Variants in KDM4C observed in about 807,000 individuals in gnomAD.
The protein encoded by KDM4C is lysine-specific demethylase 4C.
Under a neutral mutation model 129.3 loss-of-function variants are expected in KDM4C, and 81 were observed. The observed-to-expected ratio is 0.63, with a 90% CI of 0.52 to 0.75. KDM4C has a LOEUF of 0.75. KDM4C is among the 30% of genes least tolerant of loss of function. The pLI is 0.00. For missense variants in KDM4C, 1,457 were observed against 1,304.0 expected, an observed-to-expected ratio of 1.12 and a Z score of -1.81; for synonymous variants, 573 against 456.1, an observed-to-expected ratio of 1.26 and a Z score of -3.26.
At chr9:7,025,984 C>T (rs1422507401) in intron 15 of KDM4C, among the ~76,000 whole-genome samples, 2 of 151,988 alleles carry the variant, frequency 1.3e-5, no homozygotes, top group African/African-American at 4.8e-5. Context: ...GTGGGCTGAT[C>T]CCTTGAGGTC....
chr9:6,983,589 C>CACACACACAT (rs1817152491), intron 9 of KDM4C, among the ~76,000 whole-genome samples: 2 of 151,042 alleles, frequency 1.3e-5, no homozygotes, highest in Admixed American at 1.3e-4. Context: ...CACACACACA[C>CACACACACAT]ACACACACAC....
chr9:6,786,018 A>C (rs941500817), intron 1 of KDM4C, among the ~76,000 whole-genome samples: 3 of 152,220 alleles, frequency 2.0e-5, no homozygotes, highest in African/African-American at 7.2e-5. Context: ...GTAGATACTG[A>C]ACTGTTCTCT....
intron 17 of KDM4C, among the ~76,000 whole-genome samples, chr9:7,098,009 C>A (rs926132343): frequency 6.6e-6 from 1 of 152,212 alleles, no homozygotes; most frequent in Non-Finnish European, 1.5e-5. Flanking sequence ...CTTACTTGAT[C>A]TTCCTTGTAA....
chr9:6,901,550 C>G (rs1285374287), intron 8 of KDM4C, among the ~76,000 whole-genome samples: 1 of 152,208 alleles, frequency 6.6e-6, no homozygotes, highest in Non-Finnish European at 1.5e-5. Context: ...AGTGTGAGAA[C>G]TAGGCTCATC....
intron 1 of KDM4C, among the ~76,000 whole-genome samples, chr9:6,766,059 G>A (rs961727059): frequency 6.6e-6 from 1 of 152,104 alleles, no homozygotes; most frequent in Non-Finnish European, 1.5e-5. Flanking sequence ...AAAGTGCTGG[G>A]ATTACAGGCA....
At chr9:7,174,432 A>C in intron 21 of KDM4C, 121 bp from the exon 22 acceptor site, 1 of 881,640 alleles carries the variant, frequency 1.1e-6, no homozygotes, top group Non-Finnish European at 1.8e-6. Flanking sequence ...GGGCCCTTTT[A>C]GCCTGAGCTG....
intron 18 of KDM4C, 115 bp downstream of exon 18, chr9:7,103,985 G>A: frequency 1.1e-6 from 1 of 936,046 alleles, no homozygotes; most frequent in Non-Finnish European, 1.6e-6. Context: ...TTGTTGACAT[G>A]TCTAGACCGT....
At chr9:6,795,420 C>G (rs546339986) in intron 2 of KDM4C, among the ~76,000 whole-genome samples, 1 of 152,356 alleles carries the variant, frequency 6.6e-6, no homozygotes, top group Admixed American at 6.5e-5. Flanking sequence ...CAACCTCTGC[C>G]TCCTGGTTTC....
intron 4 of KDM4C, among the ~76,000 whole-genome samples, chr9:6,819,230 A>G (rs1832623627): frequency 6.6e-6 from 1 of 152,244 alleles, no homozygotes; most frequent in South Asian, 2.1e-4. Context: ...GTGAAATAGC[A>G]TAAGCATTGA....
At chr9:6,864,621 A>C (rs1281383980) in intron 5 of KDM4C, among the ~76,000 whole-genome samples, 1 of 151,952 alleles carries the variant, frequency 6.6e-6, no homozygotes, top group Non-Finnish European at 1.5e-5. Flanking sequence ...GGCATGTGCC[A>C]ACATGCCCAG....
At chr9:6,821,909 A>T (rs1833096458) in intron 4 of KDM4C, among the ~76,000 whole-genome samples, 1 of 152,196 alleles carries the variant, frequency 6.6e-6, no homozygotes, top group East Asian at 1.9e-4. Flanking sequence ...TGCTGGGATT[A>T]TAGGCGTGAG....
At chr9:7,011,992 GTCCT>G in intron 13 of KDM4C, 113 bp downstream of exon 13, 1 of 793,980 alleles carries the variant, frequency 1.3e-6, no homozygotes, top group Non-Finnish European at 2.0e-6. Flanking sequence ...GAAGGAAGAC[GTCCT>G]TAGGTAGCTG....
chr9:7,042,550 A>T (rs745856746), intron 15 of KDM4C, among the ~76,000 whole-genome samples: 2 of 151,898 alleles, frequency 1.3e-5, no homozygotes, highest in Non-Finnish European at 2.9e-5. Context: ...TTTTGCAGGG[A>T]TTGTGTTTTG....
chr9:6,732,232 G>T (rs1356917069), intron 1 of KDM4C, among the ~76,000 whole-genome samples: 4 of 151,508 alleles, frequency 2.6e-5, no homozygotes, highest in Non-Finnish European at 5.9e-5. Flanking sequence ...GGGCGTGGTG[G>T]TGGGCGCCTG....
At chr9:7,130,970 C>T (rs7035104) in intron 19 of KDM4C, among the ~76,000 whole-genome samples, 80,661 of 149,694 alleles carry the variant, frequency 0.54, 22,064 homozygotes, top group Middle Eastern at 0.64. Flanking sequence ...TGTCGAACTG[C>T]GTTGCCCGGG....
At chr9:6,885,098 A>T (rs1845055283) in intron 6 of KDM4C, among the ~76,000 whole-genome samples, 1 of 152,188 alleles carries the variant, frequency 6.6e-6, no homozygotes, top group African/African-American at 2.4e-5. Context: ...GTAATTAATA[A>T]ACCACATGAT....
chr9:7,030,484 G>A (rs143308205), intron 15 of KDM4C, among the ~76,000 whole-genome samples: 15 of 152,258 alleles, frequency 9.9e-5, no homozygotes, highest in African/African-American at 3.4e-4. Flanking sequence ...ATGTGTCAGT[G>A]TAGGTTCATC....
At position 6,758,562 on chromosome 9, in the gene KDM4C, C is replaced by T. The variant is rs1015163949; in HGVS notation, c.-18+359C>T. Among the ~76,000 whole-genome samples, 3 of 152,046 alleles carry T rather than the reference C, an allele frequency of 2.0e-5. No homozygotes were observed. Among genetic ancestry groups the T allele is most frequent in the Admixed American group, 6.5e-5 (1 of 15,268 alleles). On this transcript the variant is annotated intron_variant, in intron 1 of 21. Transcript: ENST00000381309. The surrounding 1 kb of genome is among the most constrained non-coding windows in gnomAD (Gnocchi z 4.6). Reference sequence around the variant, plus strand: ...TCTTAACGCCGCCAGTCGGCTGTGGCGGACTCCAGGAAGGCCGGGCCTGGT... The same window carrying T: ...TCTTAACGCCGCCAGTCGGCTGTGGTGGACTCCAGGAAGGCCGGGCCTGGT...
At chr9:7,036,352 T>C (rs983213519) in intron 15 of KDM4C, among the ~76,000 whole-genome samples, 13 of 152,226 alleles carry the variant, frequency 8.5e-5, no homozygotes, top group Non-Finnish European at 1.8e-4. Context: ...TGTATGTTCA[T>C]CTTGGAGTCT....
Sources: gnomAD v4.1 joint callset for allele counts (sites outside exome capture counted in the v4.1 genomes callset) on GRCh38, gnomAD v4.1.1 for gene constraint, Gnocchi (gnomAD v3.1) non-coding constraint, MANE v1.5 for transcripts, NCBI Gene and HGNC (gene_info 2026-07-23, HGNC 2026-07-21) for gene names.